Variants in CDC34 observed in about 807,000 individuals in gnomAD.
CDC34 encodes ubiquitin-conjugating enzyme E2 R1.
In CDC34, 18 loss-of-function variants were observed where a neutral mutation model predicts 26.8. The observed-to-expected ratio is 0.67, with a 90% CI of 0.47 to 1.00. The LOEUF (loss-of-function observed/expected upper bound fraction) is 1.00. CDC34 is among the 50% of genes least tolerant of loss of function. The probability of loss-of-function intolerance (pLI) is 0.00; values close to 1 mark genes in which losing one functional copy is unlikely to be tolerated. For synonymous variants in CDC34, 178 were observed against 147.5 expected, an observed-to-expected ratio of 1.21 and a Z score of -1.50; for missense variants, 280 against 334.5, an observed-to-expected ratio of 0.84 and a Z score of 1.27.
Position 535,096 on chromosome 19 carries a change from C to T in CDC34, c.178-741C>T, listed in dbSNP as rs16990539. 1.1e-3 allele frequency among the ~76,000 whole-genome samples: 167 copies of T among 152,364 alleles called. 3 individuals carry two copies. The highest frequency in any genetic ancestry group is 9.4e-3 in the Admixed American group (144 of 15,306). On this transcript the variant is annotated intron_variant, in intron 1 of 4. Coordinates refer to ENST00000215574, the MANE Select transcript of CDC34 (RefSeq NM_004359.2). The stretch of plus-strand genomic sequence containing the variant: ...GAGGGCCGTGGGTGGCATCACGCCC[C>T]AGGCTGCAGGCCAGACAGCTCTGTC...
chr19:536,600 G>A, intron 3 of CDC34: 1 of 576,626 alleles, frequency 1.7e-6, no homozygotes, highest in Non-Finnish European at 3.1e-6. Context: ...CCACCTAGAG[G>A]TGTCCCGCCA....
chr19:533,933 G>A (rs1276391553), intron 1 of CDC34, among the ~76,000 whole-genome samples: 2 of 152,224 alleles, frequency 1.3e-5, no homozygotes, highest in African/African-American at 4.8e-5. Flanking sequence ...GCCTGCAGCT[G>A]CTGTTCCTTC....
At chr19:540,106 G>A (rs1241854928) in intron 4 of CDC34, among the ~76,000 whole-genome samples, 5 of 81,168 alleles carry the variant, frequency 6.2e-5, no homozygotes, top group African/African-American at 3.6e-5. Context: ...TCCGGAGGCC[G>A]GGGTGGCCAG....
intron 4 of CDC34, 172 bp from the exon 5 acceptor site, chr19:541,167 C>T (rs1313574534): frequency 1.1e-5 from 9 of 842,216 alleles, no homozygotes; most frequent in Non-Finnish European, 1.6e-5. Flanking sequence ...CCTCCTCTGT[C>T]ATTTCTCCCC....
Position 535,914 on chromosome 19 carries a change from C to A in CDC34, c.255C>A (p.Asn85Lys). 1 of 1,613,694 alleles carries A rather than the reference C, an allele frequency of 6.2e-7. No homozygotes were observed. Among genetic ancestry groups the A allele is most frequent in the Non-Finnish European group, 8.5e-7 (1 of 1,179,836 alleles). The stretch of plus-strand genomic sequence containing the variant: ...TCCTGACCAAGATGTGGCACCCTAA[C>A]ATCTACGAGGTGAGCGCGGCCCCCA... ...FRFLTKMWHP[N>K]IYETGDVCIS... Residue 85 changes from asparagine to lysine, a missense_variant, in exon 2 of 5, where the codon AAC becomes AAA. Coordinates refer to ENST00000215574, the MANE Select transcript of CDC34 (RefSeq NM_004359.2).
At chr19:532,770 T>G (rs1979555927) in intron 1 of CDC34, among the ~76,000 whole-genome samples, 1 of 152,144 alleles carries the variant, frequency 6.6e-6, no homozygotes, top group Non-Finnish European at 1.5e-5. Context: ...ATCCCCTGCT[T>G]TATGTAACCT....
intron 4 of CDC34, chr19:538,859 G>A (rs1206374268): frequency 1.4e-5 from 14 of 985,144 alleles, no homozygotes; most frequent in Non-Finnish European, 1.6e-5. Flanking sequence ...GAGGTCACAG[G>A]GTAGCTGCCC....
chr19:536,360 T>C lies in CDC34; in HGVS notation c.362+20T>C. On this transcript the variant is annotated intron_variant, in intron 3 of 4. Transcript: ENST00000215574. ...CGTCAGGTAAGCCGGCCCAACCCCCTGTGTCCACCCAGAACATCAGGTAGG... is the reference window on the plus strand; with the variant it reads ...CGTCAGGTAAGCCGGCCCAACCCCCCGTGTCCACCCAGAACATCAGGTAGG... 6.3e-7 allele frequency: 1 copy of C among 1,580,950 alleles called. No homozygotes were observed. The highest frequency in any genetic ancestry group is 1.4e-5 in the African/African-American group (1 of 73,626).
rs903828650 is a variant in CDC34, at chr19:541,564, T to C, written c.*12T>C. Reference sequence around the variant, plus strand: ...CGGAGGAGTCCTGACACCACCAGAATAAACTTGCCGAGTTTACCTCACTAG... The same window carrying C: ...CGGAGGAGTCCTGACACCACCAGAACAAACTTGCCGAGTTTACCTCACTAG... On this transcript the variant is annotated 3_prime_UTR_variant, in exon 5 of 5. Transcript: ENST00000215574. The C allele has an allele frequency of 6.4e-7, 1 of 1,556,660 alleles. No homozygotes were observed. The highest frequency in any genetic ancestry group is 8.7e-7 in the Non-Finnish European group (1 of 1,148,552).
intron 1 of CDC34, among the ~76,000 whole-genome samples, chr19:533,872 G>C (rs6510823): frequency 0.81 from 122,544 of 152,138 alleles, 49,713 homozygotes; most frequent in East Asian, 0.93. Context: ...TTGGGGGAGC[G>C]TGGAAATACA....
intron 4 of CDC34, among the ~76,000 whole-genome samples, chr19:537,651 C>CT (rs773623358): frequency 0.07 from 4,662 of 66,986 alleles, 367 homozygotes; most frequent in African/African-American, 0.11. Context: ...CGCGGCCGGC[C>CT]TTTTTTTTTT....
rs373174282 is a variant in CDC34 at position 539,668 on chromosome 19, G to A, written c.498-1671G>A. On this transcript the variant is annotated intron_variant, in intron 4 of 4. Coordinates refer to ENST00000215574, the MANE Select transcript of CDC34 (RefSeq NM_004359.2). ...GCAGCCAGCCCCAGAGCCCAGAGCCGTGCCTGGTCGGTGATAGGGGCTCGA... is the reference window on the plus strand; with the variant it reads ...GCAGCCAGCCCCAGAGCCCAGAGCCATGCCTGGTCGGTGATAGGGGCTCGA... Among the ~76,000 whole-genome samples the A allele has an allele frequency of 1.6e-4, 24 of 152,288 alleles. No homozygotes were observed. The East Asian group carries it at 2.1e-3, about 14-fold the overall frequency.
At position 541,428 on chromosome 19, in the gene CDC34, C is replaced by T. The variant is rs147105441; in HGVS notation, c.587C>T (p.Ala196Val). 9.9e-6 allele frequency: 16 copies of T among 1,612,466 alleles called. No homozygotes were observed. Among genetic ancestry groups the T allele is most frequent in the East Asian group, 4.5e-5 (2 of 44,860 alleles). ...TLAEYCVKTK[A>V]PAPDEGSDLF... ...GCCGAGTACTGCGTGAAGACCAAGG[C>T]GCCGGCGCCCGACGAGGGCTCAGAC... The change falls in exon 5 of 5, where the codon GCG (alanine) becomes GTG (valine). Residue 196 changes from alanine to valine, a missense_variant. Coordinates refer to ENST00000215574, the MANE Select transcript of CDC34 (RefSeq NM_004359.2).
chr19:536,742 T>G, intron 3 of CDC34: 1 of 555,494 alleles, frequency 1.8e-6, no homozygotes, highest in East Asian at 3.0e-5. Context: ...GAGTGTAGTC[T>G]AGGCAGGACG....
At chr19:537,690 C>G (rs553740681) in intron 4 of CDC34, among the ~76,000 whole-genome samples, 6 of 109,730 alleles carry the variant, frequency 5.5e-5, no homozygotes, top group Non-Finnish European at 1.8e-5. Flanking sequence ...GAGTTATACT[C>G]TCTTGCCTAG....
intron 1 of CDC34, among the ~76,000 whole-genome samples, chr19:533,012 G>T (rs909175076): frequency 6.6e-6 from 1 of 152,184 alleles, no homozygotes; most frequent in African/African-American, 2.4e-5. Context: ...ATTCCAAGCA[G>T]TTTCTGGATG....
chr19:534,471 C>T (rs74973191), intron 1 of CDC34, among the ~76,000 whole-genome samples: 4,499 of 74,244 alleles, frequency 0.061, 29 homozygotes, highest in East Asian at 0.13. Context: ...AGTGCCCTCC[C>T]TGTCCAGACC....
chr19:539,478 C>T (rs1013028850), intron 4 of CDC34, among the ~76,000 whole-genome samples: 13 of 152,230 alleles, frequency 8.5e-5, no homozygotes, highest in African/African-American at 3.1e-4. Flanking sequence ...AGCTTGGCGT[C>T]CGCTGGGTCC....
intron 1 of CDC34, among the ~76,000 whole-genome samples, chr19:532,932 A>T (rs747137440): frequency 1.2e-4 from 18 of 152,120 alleles, no homozygotes; most frequent in Non-Finnish European, 2.2e-4. Context: ...CTCAGAGTCC[A>T]CTGAACAGGT....
Sources: gnomAD v4.1 joint callset for allele counts (sites outside exome capture counted in the v4.1 genomes callset) on GRCh38, gnomAD v4.1.1 for gene constraint, MANE v1.5 for transcripts, NCBI Gene and HGNC (gene_info 2026-07-23, HGNC 2026-07-21) for gene names.